ARMC2: variants seen among roughly 807,000 people sequenced by gnomAD.
ARMC2 encodes armadillo repeat-containing protein 2.
In ARMC2, 67 loss-of-function variants were observed where a neutral mutation model predicts 90.3. That is an observed-to-expected ratio of 0.74 (90% confidence interval 0.61 to 0.91). The LOEUF is 0.91. Ranked by LOEUF, ARMC2 falls within the 40% of genes least tolerant of loss-of-function variation. The probability of loss-of-function intolerance (pLI) is 0.00; values close to 1 mark genes in which losing one functional copy is unlikely to be tolerated. For synonymous variants in ARMC2, 393 were observed against 393.0 expected (o/e 1.00, Z 0.00); for missense variants, 920 against 1,030.9 (o/e 0.89, Z 1.47).
chr6:109,051,921 A>T, the ARMC2 span, among the ~76,000 whole-genome samples: 1 of 152,216 alleles, frequency 6.6e-6, no homozygotes, highest in Non-Finnish European at 1.5e-5. Flanking sequence ...ATGAAGGAGC[A>T]GCCCTCTGGC....
the ARMC2 span, among the ~76,000 whole-genome samples, chr6:109,023,301 C>T: frequency 6.6e-6 from 1 of 152,174 alleles, no homozygotes; most frequent in Non-Finnish European, 1.5e-5. Context: ...ATTAAGGACA[C>T]ATTATCATAA....
chr6:108,920,883 T>C (rs1212737325), intron 10 of ARMC2, among the ~76,000 whole-genome samples: 4 of 152,084 alleles, frequency 2.6e-5, no homozygotes, highest in Non-Finnish European at 5.9e-5. Flanking sequence ...CTGATTCCTG[T>C]CCCAAGCTCA....
In ARMC2 at chr6:108,868,849, C is replaced by T; in HGVS notation, c.317C>T (p.Thr106Ile). ...AAACCGAAAGTTCCAGCATCTCCCA[C>T]CAGAGAGGAGGATTCCTGCTTTTCC... ...ELKPKVPASPTREEDSCFSFP... is the reference protein window; with the variant it reads ...ELKPKVPASPIREEDSCFSFP... The change falls in exon 4 of 18, where the codon ACC (threonine) becomes ATC (isoleucine). Residue 106 changes from threonine to isoleucine, a missense_variant. Physicochemically the swap from Thr to Ile is moderately conservative, Grantham distance 89 (BLOSUM62 -1). Transcript: ENST00000392644. 1 of 1,613,358 alleles carries T rather than the reference C, an allele frequency of 6.2e-7. No individual in the cohort carries two copies. The highest frequency in any genetic ancestry group is 1.1e-5 in the South Asian group (1 of 91,004).
intron 13 of ARMC2, among the ~76,000 whole-genome samples, chr6:108,961,166 C>T (rs1310500851): frequency 1.3e-5 from 2 of 151,904 alleles, no homozygotes; most frequent in South Asian, 2.1e-4. Context: ...TGTTGGGAGG[C>T]GGTGTGGGAA....
At chr6:108,964,934 C>T in intron 16 of ARMC2, 46 bp from the exon 17 acceptor site, 1 of 1,390,188 alleles carries the variant, frequency 7.2e-7, no homozygotes, top group South Asian at 1.3e-5. Flanking sequence ...AAATTAAAGA[C>T]AGATTCTGAC....
At chr6:108,991,422 T>C in the ARMC2 span, among the ~76,000 whole-genome samples, 2 of 152,272 alleles carry the variant, frequency 1.3e-5, no homozygotes, top group African/African-American at 4.8e-5. Flanking sequence ...TTAAAATTAT[T>C]TGTAGAGATA....
chr6:108,940,213 C>T (rs1298166486), intron 12 of ARMC2, among the ~76,000 whole-genome samples: 1 of 152,162 alleles, frequency 6.6e-6, no homozygotes, highest in Admixed American at 6.5e-5. Flanking sequence ...CTGCAGTGAG[C>T]CGAGATCGTG....
chr6:109,001,956 C>T, the ARMC2 span, among the ~76,000 whole-genome samples: 6 of 152,184 alleles, frequency 3.9e-5, no homozygotes, highest in African/African-American at 1.4e-4. Context: ...CCTGTGGAGA[C>T]AGTCAAGACT....
intron 7 of ARMC2, among the ~76,000 whole-genome samples, chr6:108,902,366 C>A (rs1383953627): frequency 6.6e-6 from 1 of 152,176 alleles, no homozygotes; most frequent in Non-Finnish European, 1.5e-5. Flanking sequence ...TTGAGTAGAA[C>A]CTACCAGGCT....
At chr6:108,960,423 C>T (rs1196569258) in intron 13 of ARMC2, among the ~76,000 whole-genome samples, 1 of 152,150 alleles carries the variant, frequency 6.6e-6, no homozygotes, top group Non-Finnish European at 1.5e-5. Context: ...GAGGCAGGGA[C>T]AAAAACCACT....
chr6:108,965,311 T>C (rs894637043), intron 17 of ARMC2, among the ~76,000 whole-genome samples, 171 bp downstream of exon 17: 3 of 152,138 alleles, frequency 2.0e-5, no homozygotes, highest in African/African-American at 7.2e-5. Context: ...CTGAATGCTA[T>C]TTACAGTGGG....
At chr6:108,943,025 T>G (rs1447175873) in intron 12 of ARMC2, among the ~76,000 whole-genome samples, 2 of 152,192 alleles carry the variant, frequency 1.3e-5, no homozygotes, top group Non-Finnish European at 2.9e-5. Context: ...CGGTCGCTGC[T>G]GCCGTCCACA....
chr6:108,920,755 C>T (rs1347442919), intron 10 of ARMC2, among the ~76,000 whole-genome samples: 1 of 152,134 alleles, frequency 6.6e-6, no homozygotes, highest in Non-Finnish European at 1.5e-5. Context: ...TAGATTTACC[C>T]ACCCAGTCAC....
the ARMC2 span, among the ~76,000 whole-genome samples, chr6:109,019,183 CA>C: frequency 6.6e-6 from 1 of 152,038 alleles, no homozygotes; most frequent in Non-Finnish European, 1.5e-5. Context: ...GAAATTAAAA[CA>C]TTTTTTACAC....
At chr6:108,920,509 T>C (rs1774450623) in intron 10 of ARMC2, among the ~76,000 whole-genome samples, 1 of 152,184 alleles carries the variant, frequency 6.6e-6, no homozygotes, top group African/African-American at 2.4e-5. Context: ...TTCCCTTCTC[T>C]TCCCTTTCCT....
At chr6:108,952,403 G>A (rs1258159695) in intron 12 of ARMC2, among the ~76,000 whole-genome samples, 1 of 152,194 alleles carries the variant, frequency 6.6e-6, no homozygotes, top group Non-Finnish European at 1.5e-5. Context: ...CCACCACCCT[G>A]GGTAAGAATT....
chr6:108,891,439 C>A (rs1269274211), intron 5 of ARMC2, among the ~76,000 whole-genome samples: 1 of 152,218 alleles, frequency 6.6e-6, no homozygotes, highest in Non-Finnish European at 1.5e-5. Context: ...TTAATGATTG[C>A]CATTCTACCT....
At chr6:109,048,828 G>A in the ARMC2 span, among the ~76,000 whole-genome samples, 1 of 152,076 alleles carries the variant, frequency 6.6e-6, no homozygotes, top group African/African-American at 2.4e-5. Flanking sequence ...ATGTGTTCCT[G>A]CATACCCTGG....
chr6:108,969,664 A>G (rs1020129432), intron 17 of ARMC2, among the ~76,000 whole-genome samples: 2 of 152,234 alleles, frequency 1.3e-5, no homozygotes, highest in African/African-American at 4.8e-5. Context: ...TTATTCATAT[A>G]TAAGTAGGTA....
Sources: gnomAD v4.1 joint callset for allele counts (sites outside exome capture counted in the v4.1 genomes callset) on GRCh38, gnomAD v4.1.1 for gene constraint, MANE v1.5 for transcripts, NCBI Gene and HGNC (gene_info 2026-07-23, HGNC 2026-07-21) for gene names.